Variants in EDNRA observed in about 807,000 individuals in gnomAD.
EDNRA encodes endothelin-1 receptor.
A neutral mutation model predicts 41.4 loss-of-function variants in EDNRA; 11 were observed. The ratio of observed to expected loss-of-function variants is 0.27; its 90% CI spans 0.17 to 0.44. The LOEUF (loss-of-function observed/expected upper bound fraction) is 0.44, where lower values mean the gene tolerates loss of function less well. Among genes scored for constraint, EDNRA ranks in the 20% least tolerant of loss-of-function variants. The probability of loss-of-function intolerance (pLI) is 1.00; values close to 1 mark genes in which losing one functional copy is unlikely to be tolerated. For missense variants in EDNRA, 294 were observed against 531.0 expected, an observed-to-expected ratio of 0.55 and a Z score of 4.39; for synonymous variants, 172 against 183.0, an observed-to-expected ratio of 0.94 and a Z score of 0.49.
At chr4:147,502,866 C>T (rs1729562627) in intron 2 of EDNRA, among the ~76,000 whole-genome samples, 1 of 151,964 alleles carries the variant, frequency 6.6e-6, no homozygotes, top group Admixed American at 6.6e-5. Flanking sequence ...AGCCTAATTG[C>T]TGAAATACTT....
At chr4:147,534,203 C>T (rs1439209970) in intron 4 of EDNRA, among the ~76,000 whole-genome samples, 1 of 152,156 alleles carries the variant, frequency 6.6e-6, no homozygotes, top group East Asian at 1.9e-4. Context: ...TATACCCAGC[C>T]AGCAAATGCA....
At chr4:147,538,290 G>T (rs1290595452) in intron 5 of EDNRA, among the ~76,000 whole-genome samples, 2 of 152,092 alleles carry the variant, frequency 1.3e-5, no homozygotes, top group Non-Finnish European at 1.5e-5. Context: ...TGCATCAAAA[G>T]AGTGTCCCTA....
At chr4:147,504,997 A>G (rs1409068728) in intron 2 of EDNRA, among the ~76,000 whole-genome samples, 1 of 139,148 alleles carries the variant, frequency 7.2e-6, no homozygotes. Context: ...TCTAGAATAT[A>G]CAGAGAATTC....
At chr4:147,511,842 G>T (rs765908404) in intron 2 of EDNRA, among the ~76,000 whole-genome samples, 1 of 152,008 alleles carries the variant, frequency 6.6e-6, no homozygotes, top group Non-Finnish European at 1.5e-5. Flanking sequence ...GTCTGTCCGG[G>T]TCAAAGCACC....
At chr4:147,535,423 C>T (rs560091092) in intron 4 of EDNRA, among the ~76,000 whole-genome samples, 62 of 152,142 alleles carry the variant, frequency 4.1e-4, no homozygotes, top group Non-Finnish European at 4.6e-4. Context: ...TAACCTTCAC[C>T]GTTTCAGGTT....
At chr4:147,507,285 C>G (rs190507340) in intron 2 of EDNRA, among the ~76,000 whole-genome samples, 1 of 151,762 alleles carries the variant, frequency 6.6e-6, no homozygotes, top group African/African-American at 2.4e-5. Flanking sequence ...CTGAAGACAA[C>G]TCAGATGTTC....
At chr4:147,504,122 T>C (rs1729607135) in intron 2 of EDNRA, among the ~76,000 whole-genome samples, 1 of 152,020 alleles carries the variant, frequency 6.6e-6, no homozygotes. Flanking sequence ...GAAAAAACTC[T>C]AGCCTCACAA....
At chr4:147,535,298 A>C (rs1457719578) in intron 4 of EDNRA, among the ~76,000 whole-genome samples, 1 of 152,188 alleles carries the variant, frequency 6.6e-6, no homozygotes, top group Non-Finnish European at 1.5e-5. Flanking sequence ...GTATTAAAGG[A>C]GGGAGAAGAG....
chr4:147,524,784 A>C (rs1730472355), intron 3 of EDNRA, among the ~76,000 whole-genome samples: 1 of 152,164 alleles, frequency 6.6e-6, no homozygotes, highest in African/African-American at 2.4e-5. Flanking sequence ...TCTATTTGAC[A>C]TTTCTATTTC....
At position 147,522,195 on chromosome 4, in the gene EDNRA, C is replaced by T. The variant is rs141256658; in HGVS notation, c.548+2217C>T. Among the ~76,000 whole-genome samples, 681 of 152,092 alleles carry T rather than the reference C, an allele frequency of 4.5e-3. 8 individuals carry two copies. The highest frequency in any genetic ancestry group is 0.016 in the African/African-American group (652 of 41,482). On this transcript the variant is annotated intron_variant, in intron 3 of 7. Transcript: ENST00000651419. The stretch of plus-strand genomic sequence containing the variant: ...CAATAATAATATTTATAATTATTAC[C>T]ATTTATTGAATATTACTAAGTGTTA...
chr4:147,535,179 A>C (rs967127914), intron 4 of EDNRA, among the ~76,000 whole-genome samples: 2 of 152,196 alleles, frequency 1.3e-5, no homozygotes, highest in Non-Finnish European at 2.9e-5. Context: ...TTTCTTCTTT[A>C]AGCAGAAGTA....
chr4:147,502,432 T>C (rs1231998611), intron 2 of EDNRA, among the ~76,000 whole-genome samples: 4 of 152,202 alleles, frequency 2.6e-5, no homozygotes, highest in African/African-American at 9.6e-5. Flanking sequence ...TTTTTCCCTG[T>C]CATTTATATA....
chr4:147,520,981 G>T (rs1350369967), intron 3 of EDNRA, among the ~76,000 whole-genome samples: 1 of 152,128 alleles, frequency 6.6e-6, no homozygotes, highest in African/African-American at 2.4e-5. Flanking sequence ...TGTCAGCTGG[G>T]CACGGTGGCT....
rs538199259 is a variant in EDNRA, at chr4:147,490,838, G to C, written c.420+4737G>C. 5 of 152,310 alleles carry C rather than the reference G, an allele frequency of 3.3e-5. No individual in the cohort carries two copies. The South Asian group carries it at 1.0e-3, about 32-fold the overall frequency. 9.4% of individuals were successfully genotyped at this position (152,310 alleles called of 1,614,324 possible). ...GGCACCATGTAGCTTCAGGATAACA[G>C]CTCCGCCATTATGCACACACAGACA... is the stretch of plus-strand genomic sequence containing the variant. On this transcript the variant is annotated intron_variant, in intron 2 of 7. Coordinates refer to ENST00000651419, the MANE Select transcript of EDNRA (RefSeq NM_001957.4).
At chr4:147,489,795 G>C (rs761568697) in intron 2 of EDNRA, 6 of 152,016 alleles carry the variant, frequency 3.9e-5, no homozygotes, top group Non-Finnish European at 8.8e-5. Flanking sequence ...GCTTCCATCT[G>C]TCAAGTGCCA....
chr4:147,512,673 T>G (rs546245082), intron 2 of EDNRA, among the ~76,000 whole-genome samples: 4 of 152,328 alleles, frequency 2.6e-5, no homozygotes, highest in African/African-American at 9.6e-5. Flanking sequence ...CAGTTTTCCA[T>G]GAGGAACAGT....
chr4:147,538,950 G>C (rs1731006945), intron 5 of EDNRA, among the ~76,000 whole-genome samples: 1 of 152,110 alleles, frequency 6.6e-6, no homozygotes, highest in South Asian at 2.1e-4. Flanking sequence ...TTCCTAGTCA[G>C]GCTTCTAAAT....
At chr4:147,539,778 C>A (rs1485194394) in intron 5 of EDNRA, 39 bp from the exon 6 acceptor site, 1 of 1,595,050 alleles carries the variant, frequency 6.3e-7, no homozygotes, top group South Asian at 1.2e-5. Context: ...TATAAAAACA[C>A]TAAATTTGTT....
intron 2 of EDNRA, among the ~76,000 whole-genome samples, chr4:147,514,432 A>T (rs533791082): frequency 6.6e-6 from 1 of 152,166 alleles, no homozygotes; most frequent in South Asian, 2.1e-4. Context: ...GTGTAAGGGG[A>T]TGCAGGCTAC....
Sources: gnomAD v4.1 joint callset for allele counts (sites outside exome capture counted in the v4.1 genomes callset) on GRCh38, gnomAD v4.1.1 for gene constraint, MANE v1.5 for transcripts, NCBI Gene and HGNC (gene_info 2026-07-23, HGNC 2026-07-21) for gene names.